SLC25A25: variants seen among roughly 807,000 people sequenced by gnomAD.
SLC25A25 encodes solute carrier family 25 member 25.
Under a neutral mutation model 57.7 loss-of-function variants are expected in SLC25A25, and 32 were observed. That is an observed-to-expected ratio of 0.55 (90% CI 0.42 to 0.74). The LOEUF (loss-of-function observed/expected upper bound fraction) is 0.74, where lower values mean the gene tolerates loss of function less well. Ranked by LOEUF, SLC25A25 falls within the 30% of genes least tolerant of loss-of-function variation. The probability of loss-of-function intolerance (pLI) is 0.00; values close to 1 mark genes in which losing one functional copy is unlikely to be tolerated. For synonymous variants in SLC25A25, 306 were observed against 291.2 expected, an observed-to-expected ratio of 1.05 and a Z score of -0.52; for missense variants, 556 against 701.3, an observed-to-expected ratio of 0.79 and a Z score of 2.34.
chr9:128,086,677 T>G (rs916466694), intron 1 of SLC25A25, among the ~76,000 whole-genome samples: 1 of 151,870 alleles, frequency 6.6e-6, no homozygotes, highest in Non-Finnish European at 1.5e-5. Flanking sequence ...GGTCTTACTT[T>G]GTTTCCCAGG....
At position 128,103,800 on chromosome 9, in the gene SLC25A25, C is replaced by A. The variant is rs763022200; in HGVS notation, c.744C>A (p.Thr248=). ...AGGGAGAVSR[T]CTAPLDRLKV... ...GTGGGGCAGGGGCCGTATCCAGAAC[C>A]TGCACGGCCCCCCTGGACAGGCTCA... The change falls in exon 6 of 11, where the codon ACC becomes ACA. Residue 248 remains threonine (T), a synonymous_variant. Transcript: ENST00000373069. The surrounding 1 kb of genome is among the most constrained non-coding windows in gnomAD (Gnocchi z 6.7). 6.2e-7 allele frequency: 1 copy of A among 1,612,256 alleles called. No homozygotes were observed. The highest frequency in any genetic ancestry group is 8.5e-7 in the Non-Finnish European group (1 of 1,179,114).
At chr9:128,106,769 G>A (rs1468793292) in intron 9 of SLC25A25, among the ~76,000 whole-genome samples, 1 of 152,138 alleles carries the variant, frequency 6.6e-6, no homozygotes, top group Non-Finnish European at 1.5e-5. Context: ...GAGCAGGGTG[G>A]CCCCCAGGAG....
Position 128,095,394 on chromosome 9 carries a change from G to A in SLC25A25, c.262-5702G>A, listed in dbSNP as rs757613974. On this transcript the variant is annotated intron_variant, in intron 1 of 10. Transcript: ENST00000373069. The surrounding 1 kb of genome is among the most constrained non-coding windows in gnomAD (Gnocchi z 4.4). ...TCTCCCAGGCCTGTTTGCTCAACTC[G>A]GAGATTAAGGGATGATCCCAGAGCC... Among the ~76,000 whole-genome samples, 15 of 152,160 alleles carry A rather than the reference G, an allele frequency of 9.9e-5. No individual in the cohort carries two copies. The highest frequency in any genetic ancestry group is 2.6e-4 in the Admixed American group (4 of 15,270).
At chr9:128,090,857 C>A (rs1034922837) in intron 1 of SLC25A25, 1 of 152,218 alleles carries the variant, frequency 6.6e-6, no homozygotes, top group Non-Finnish European at 1.5e-5. Context: ...ATCAGAGGGT[C>A]ACCTCAGCGA....
rs753561842 is a variant in SLC25A25 at position 128,107,074 on chromosome 9, G to A, written c.1258G>A (p.Asp420Asn). 1 of 1,614,154 alleles carries A rather than the reference G, an allele frequency of 6.2e-7. No homozygotes were observed. Among genetic ancestry groups the A allele is most frequent in the Non-Finnish European group, 8.5e-7 (1 of 1,180,032 alleles). ...WLQHYAVNSA[D>N]PGVFVLLACG... ...GCAGCACTATGCAGTGAACAGCGCG[G>A]ACCCCGGCGTGTTTGTGCTCCTGGC... The change falls in exon 10 of 11, where the codon GAC (aspartate) becomes AAC (asparagine). Residue 420 changes from aspartate (D) to asparagine (N), a missense_variant. Transcript: ENST00000373069.
intron 1 of SLC25A25, among the ~76,000 whole-genome samples, chr9:128,070,154 G>T (rs137966130): frequency 4.5e-5 from 6 of 134,028 alleles, no homozygotes; most frequent in African/African-American, 1.5e-4. Flanking sequence ...GCAGTGGTGC[G>T]ATCTTGGCTC....
chr9:128,087,899 T>G (rs1205006679), intron 1 of SLC25A25, among the ~76,000 whole-genome samples: 3 of 152,222 alleles, frequency 2.0e-5, no homozygotes, highest in Admixed American at 6.5e-5. Context: ...AGTCTCTACT[T>G]GACACACTTG....
chr9:128,106,347 G>A lies in SLC25A25; in HGVS notation c.1045-6G>A, dbSNP rs780520323. ...GCTCACGCGTCCCGCTGCTCCTGTT[G>A]TGCAGGTCCTGAAGACCCGGATGGC... On this transcript the variant is annotated splice_region_variant and splice_polypyrimidine_tract_variant and intron_variant, in intron 8 of 10. Coordinates refer to ENST00000373069, the MANE Select transcript of SLC25A25 (RefSeq NM_001330988.2). The A allele has an allele frequency of 6.2e-7, 1 of 1,613,758 alleles. No homozygotes were observed.
At position 128,068,889 on chromosome 9, in the gene SLC25A25, T is replaced by G. The variant is rs1348013726; in HGVS notation, c.261+309T>G. 2.0e-5 allele frequency among the ~76,000 whole-genome samples: 3 copies of G among 152,196 alleles called. No individual in the cohort carries two copies. In the East Asian group the frequency reaches 5.8e-4, roughly 29 times the overall value. On this transcript the variant is annotated intron_variant, in intron 1 of 10. Transcript: ENST00000373069. Reference sequence around the variant, plus strand: ...TCAGGAGTGTGCCTTTGTCACCTCCTGACCTCAAGGCCAAGCTGGACGCTC... The same window carrying G: ...TCAGGAGTGTGCCTTTGTCACCTCCGGACCTCAAGGCCAAGCTGGACGCTC...
At position 128,068,511 on chromosome 9, in the gene SLC25A25, C is replaced by G. The variant is rs538130770; in HGVS notation, c.192C>G (p.Gly64=). The part of the protein sequence containing the change: ...FQTLDVNRDG[G]LCVNDLAVGL... ...CGCTCGACGTCAACCGGGACGGCGG[C>G]CTGTGTGTCAACGACCTGGCGGTGG... is the stretch of plus-strand genomic sequence containing the variant. Residue 64 remains glycine (G), a synonymous_variant, in exon 1 of 11, where the codon GGC becomes GGG. Coordinates refer to ENST00000373069, the MANE Select transcript of SLC25A25 (RefSeq NM_001330988.2). The G allele has an allele frequency of 4.6e-6, 7 of 1,506,166 alleles. No individual in the cohort carries two copies. The highest frequency in any genetic ancestry group is 6.2e-6 in the Non-Finnish European group (7 of 1,133,334). The allele number at this position is 1,506,166 out of a possible 1,614,324, so 93.3% of individuals were successfully genotyped here.
chr9:128,096,154 T>G (rs1383220176), intron 1 of SLC25A25, among the ~76,000 whole-genome samples: 1 of 152,150 alleles, frequency 6.6e-6, no homozygotes, highest in Non-Finnish European at 1.5e-5. Flanking sequence ...AGAGTGAGCA[T>G]TCCTAAAGAC....
intron 9 of SLC25A25, 29 bp from the exon 10 acceptor site, chr9:128,106,990 CCTTCCTAGGG>C (rs1834068334): frequency 6.3e-7 from 1 of 1,592,878 alleles, no homozygotes; most frequent in South Asian, 1.1e-5. Context: ...CCTCACTAGC[CCTTCCTAGGG>C]CTTATCCCAT....
chr9:128,078,901 T>C (rs1833077432), intron 1 of SLC25A25, among the ~76,000 whole-genome samples: 1 of 152,164 alleles, frequency 6.6e-6, no homozygotes, highest in African/African-American at 2.4e-5. Context: ...CTTGGCCACA[T>C]TTATTTTCAT....
intron 1 of SLC25A25, among the ~76,000 whole-genome samples, chr9:128,071,658 C>T (rs1832910966): frequency 6.6e-6 from 1 of 151,616 alleles, no homozygotes; most frequent in Non-Finnish European, 1.5e-5. Flanking sequence ...ATGATCTGCC[C>T]GCCTTGGCCC....
rs192936046 is a variant in SLC25A25, at chr9:128,089,186, C to T, written c.262-11910C>T. On this transcript the variant is annotated intron_variant, in intron 1 of 10. Coordinates refer to ENST00000373069, the MANE Select transcript of SLC25A25 (RefSeq NM_001330988.2). ...GGATTACAGACGTGAACCACCACTC[C>T]TGGCCAAAGGATTTTTATTTACTTA... Among the ~76,000 whole-genome samples the T allele has an allele frequency of 1.7e-3, 265 of 152,224 alleles. 2 individuals carry two copies. The highest frequency in any genetic ancestry group is 3.4e-3 in the Middle Eastern group (1 of 294).
At position 128,107,083 on chromosome 9, in the gene SLC25A25, G is replaced by C. The variant is rs747954096; in HGVS notation, c.1267G>C (p.Val423Leu). ...TGCAGTGAACAGCGCGGACCCCGGCGTGTTTGTGCTCCTGGCCTGTGGCAC... is the reference window on the plus strand; with the variant it reads ...TGCAGTGAACAGCGCGGACCCCGGCCTGTTTGTGCTCCTGGCCTGTGGCAC... ...HYAVNSADPG[V>L]FVLLACGTMS... is the part of the protein sequence containing the mutation. Residue 423 changes from valine to leucine, a missense_variant, in exon 10 of 11, where the codon GTG becomes CTG. By Grantham distance (32) the Val-to-Leu change is conservative (BLOSUM62 1). This residue lies in a region of SLC25A25 where 294 missense variants were observed against 389.6 expected (regional missense o/e 0.75). Coordinates refer to ENST00000373069, the MANE Select transcript of SLC25A25 (RefSeq NM_001330988.2). 10 of 1,614,134 alleles carry C rather than the reference G, an allele frequency of 6.2e-6. No individual in the cohort carries two copies. The highest frequency in any genetic ancestry group is 3.3e-5 in the Admixed American group (2 of 60,028).
intron 1 of SLC25A25, chr9:128,091,741 A>C (rs929206320): frequency 3.7e-5 from 55 of 1,474,534 alleles, no homozygotes; most frequent in Non-Finnish European, 4.8e-5. Context: ...CCGCCCCTGC[A>C]TGCAGAGCTT....
In SLC25A25 at chr9:128,098,498, G is replaced by T. The variant is rs750704925; in HGVS notation, c.262-2598G>T. 5.8e-6 allele frequency: 9 copies of T among 1,545,042 alleles called. No homozygotes were observed. In the South Asian group the frequency reaches 1.1e-4, roughly 19 times the overall value. On this transcript the variant is annotated intron_variant, in intron 1 of 10. Coordinates refer to ENST00000373069, the MANE Select transcript of SLC25A25 (RefSeq NM_001330988.2). Reference sequence around the variant, plus strand: ...CAGGCTTGTCTTATGCAAGTTTCCCGGGACCGGCAGCATTTAGGGAACTTG... The same window carrying T: ...CAGGCTTGTCTTATGCAAGTTTCCCTGGACCGGCAGCATTTAGGGAACTTG...
intron 1 of SLC25A25, among the ~76,000 whole-genome samples, chr9:128,083,769 C>T (rs1026324920): frequency 2.0e-5 from 3 of 151,912 alleles, no homozygotes; most frequent in Non-Finnish European, 2.9e-5. Context: ...CCGCCCGCCT[C>T]GGCCTCCCAA....
Sources: gnomAD v4.1 joint callset for allele counts (sites outside exome capture counted in the v4.1 genomes callset) on GRCh38, gnomAD v4.1.1 for gene constraint, gnomAD v4.1.1 regional missense constraint, Gnocchi (gnomAD v3.1) non-coding constraint, MANE v1.5 for transcripts, NCBI Gene and HGNC (gene_info 2026-07-23, HGNC 2026-07-21) for gene names.